The following KDM3B variants were observed in gnomAD, a reference collection of about 807,000 sequenced individuals.
The protein encoded by KDM3B is lysine-specific demethylase 3B.
Under a neutral mutation model 170.0 loss-of-function variants are expected in KDM3B, and 10 were observed. That is an observed-to-expected ratio of 0.06 (90% CI 0.04 to 0.10). KDM3B has a LOEUF of 0.10. Among genes scored for constraint, KDM3B ranks in the 10% least tolerant of loss-of-function variants. The probability of loss-of-function intolerance (pLI) is 1.00; values close to 1 mark genes in which losing one functional copy is unlikely to be tolerated. For missense variants in KDM3B, 1,394 were observed against 2,195.2 expected (o/e 0.64, Z 7.29); for synonymous variants, 831 against 834.8 (o/e 1.00, Z 0.08).
At chr5:138,383,969 A>T (rs929786836) in intron 6 of KDM3B, among the ~76,000 whole-genome samples, 2 of 150,986 alleles carry the variant, frequency 1.3e-5, no homozygotes, top group Non-Finnish European at 1.5e-5. Flanking sequence ...AGAAGAAAAA[A>T]ATCAAGGCCA....
intron 6 of KDM3B, among the ~76,000 whole-genome samples, chr5:138,382,277 G>GT (rs1197983373): frequency 6.6e-6 from 1 of 151,746 alleles, no homozygotes; most frequent in East Asian, 1.9e-4. Context: ...GTGAAACGCT[G>GT]TCTCTACAAA....
At chr5:138,396,374 C>T (rs959246042) in intron 9 of KDM3B, among the ~76,000 whole-genome samples, 9 of 152,074 alleles carry the variant, frequency 5.9e-5, no homozygotes, top group Non-Finnish European at 1.0e-4. Flanking sequence ...GGATTACAGG[C>T]GTGAGCCACT....
intron 6 of KDM3B, among the ~76,000 whole-genome samples, chr5:138,382,008 G>A (rs1346222227): frequency 6.6e-6 from 1 of 151,356 alleles, no homozygotes; most frequent in East Asian, 1.9e-4. Flanking sequence ...AACGGAGTCT[G>A]AAATTCTGTA....
chr5:138,433,021 G>C (rs1382953431), intron 23 of KDM3B, among the ~76,000 whole-genome samples: 1 of 152,088 alleles, frequency 6.6e-6, no homozygotes, highest in African/African-American at 2.4e-5. Flanking sequence ...TGGGATTACA[G>C]GCGTGAGCCA....
rs201317805 is a variant in KDM3B, at chr5:138,420,783, A to C, written c.3793A>C (p.Lys1265Gln). The change falls in exon 15 of 24, where the codon AAG becomes CAG. Residue 1265 changes from lysine (K) to glutamine (Q), a missense_variant. By Grantham distance (53) the Lys-to-Gln change is moderately conservative. This residue lies in a region of KDM3B where 137 missense variants were observed against 166.9 expected (regional missense o/e 0.82). Coordinates refer to ENST00000314358, the MANE Select transcript of KDM3B (RefSeq NM_016604.4). ...FGLDSFNSTA[K>Q]VSPLTPKLFN... is the part of the protein sequence containing the mutation. ...GCTGGACTCGTTCAACTCCACTGCAAAGGTCTCTCCGCTGACTCCAAAGCT... is the reference window on the plus strand; with the variant it reads ...GCTGGACTCGTTCAACTCCACTGCACAGGTCTCTCCGCTGACTCCAAAGCT... 6.2e-7 allele frequency: 1 copy of C among 1,614,098 alleles called. No individual in the cohort carries two copies. Among genetic ancestry groups the C allele is most frequent in the Middle Eastern group, 1.6e-4 (1 of 6,062 alleles).
chr5:138,372,916 A>G, intron 2 of KDM3B, 75 bp downstream of exon 2: 1 of 1,328,190 alleles, frequency 7.5e-7, no homozygotes, highest in Non-Finnish European at 1.0e-6. Context: ...TTAGGGACAG[A>G]GTATGTGTAA....
chr5:138,422,397 G>A (rs773274145), intron 15 of KDM3B, among the ~76,000 whole-genome samples: 22 of 152,318 alleles, frequency 1.4e-4, no homozygotes, highest in Non-Finnish European at 3.2e-4. Context: ...AGCACTTTGG[G>A]AGGCTGAGGC....
At chr5:138,377,277 A>G (rs1333698567) in intron 3 of KDM3B, among the ~76,000 whole-genome samples, 1 of 152,266 alleles carries the variant, frequency 6.6e-6, no homozygotes, top group Non-Finnish European at 1.5e-5. Context: ...TATGAGAAAC[A>G]CTGGCCTAAA....
rs1363772223 is a variant in KDM3B at position 138,420,695 on chromosome 5, T to C, written c.3716-11T>C. 1.2e-6 allele frequency: 2 copies of C among 1,613,794 alleles called. No homozygotes were observed. Among genetic ancestry groups the C allele is most frequent in the East Asian group, 2.2e-5 (1 of 44,880 alleles). On this transcript the variant is annotated splice_polypyrimidine_tract_variant and intron_variant, in intron 14 of 23. Coordinates refer to ENST00000314358, the MANE Select transcript of KDM3B (RefSeq NM_016604.4). ...TTGTACCTAATGCTGTTCCTGGTTA[T>C]GTTCTTACAGAAGCAGGGTCCCTGA...
rs1762124710 is a variant in KDM3B, at chr5:138,381,522, G to A, written c.712G>A (p.Glu238Lys). ...TTTTCCCCTCCTACTGTAGAGTGGT[G>A]AGATCAAGTCGGTAGATCCCAGACT... ...LMEVSVTESG[E>K]IKSVDPRLIH... Residue 238 changes from glutamate (E) to lysine (K), a missense_variant, in exon 6 of 24, where the codon GAG becomes AAG. This residue lies in a region of KDM3B where 166 missense variants were observed against 216.4 expected (regional missense o/e 0.77). Coordinates refer to ENST00000314358, the MANE Select transcript of KDM3B (RefSeq NM_016604.4). The A allele has an allele frequency of 1.9e-6, 3 of 1,584,182 alleles. No homozygotes were observed. The highest frequency in any genetic ancestry group is 1.7e-5 in the Admixed American group (1 of 59,968).
Position 138,429,941 on chromosome 5 carries a change from G to A in KDM3B, c.4869G>A (p.Glu1623=). ...LWHIYAAKDA[E]KIRELLRKVG... ...ACATCTATGCAGCCAAGGATGCAGA[G>A]AAGATCCGGGAGCTGCTCCGAAAGG... The change falls in exon 21 of 24, where the codon GAG becomes GAA. Residue 1623 remains glutamate, a synonymous_variant. Coordinates refer to ENST00000314358, the MANE Select transcript of KDM3B (RefSeq NM_016604.4). 1.2e-6 allele frequency: 2 copies of A among 1,614,212 alleles called. No homozygotes were observed. The highest frequency in any genetic ancestry group is 1.7e-6 in the Non-Finnish European group (2 of 1,180,044).
rs1194832246 is a variant in KDM3B at position 138,412,336 on chromosome 5, C to CA, written c.3200-2786dup. 7.2e-4 allele frequency among the ~76,000 whole-genome samples: 101 copies of CA among 139,550 alleles called. 1 individual carries two copies. In the East Asian group the frequency reaches 8.4e-3, roughly 12 times the overall value. The allele number at this position is 139,550 out of a possible 152,430, so 91.6% of individuals were successfully genotyped here. A position where few individuals can be genotyped will look rare whatever the true frequency, so the allele number is the denominator to read the frequency against. On this transcript the variant is annotated intron_variant, in intron 11 of 23. Transcript: ENST00000314358. ...GGGCAAAAGAGTGAGACCCCGTCTCCAAAAAAAAAAGACATGTTTAAGAAA... is the reference window on the plus strand; with the variant it reads ...GGGCAAAAGAGTGAGACCCCGTCTCCAAAAAAAAAAAGACATGTTTAAGAAA...
intron 11 of KDM3B, among the ~76,000 whole-genome samples, chr5:138,411,834 G>A (rs1762977448): frequency 6.7e-6 from 1 of 150,276 alleles, no homozygotes; most frequent in Admixed American, 6.6e-5. Context: ...CGAGCAGCCA[G>A]GATTACATGT....
chr5:138,361,338 C>A (rs1761604348), intron 1 of KDM3B, among the ~76,000 whole-genome samples: 1 of 10,088 alleles, frequency 9.9e-5, no homozygotes, highest in African/African-American at 1.5e-4. Flanking sequence ...GGCTGAAACT[C>A]CTTTTTTTTT....
rs757938565 is a variant in KDM3B, at chr5:138,429,809, C to T, written c.4754-17C>T. On this transcript the variant is annotated splice_polypyrimidine_tract_variant and intron_variant, in intron 20 of 23. Coordinates refer to ENST00000314358, the MANE Select transcript of KDM3B (RefSeq NM_016604.4). ...AAATGGCTGACTACATTGAAAGTGT[C>T]ATTTTGCTCTTTTCAGAGGTACTCA... The T allele has an allele frequency of 2.7e-5, 44 of 1,612,706 alleles. No homozygotes were observed. The highest frequency in any genetic ancestry group is 3.6e-5 in the Non-Finnish European group (43 of 1,179,174).
At chr5:138,360,946 G>T (rs146331413) in intron 1 of KDM3B, among the ~76,000 whole-genome samples, 1 of 152,198 alleles carries the variant, frequency 6.6e-6, no homozygotes, top group Non-Finnish European at 1.5e-5. Flanking sequence ...CACCTGCCAA[G>T]GGTTCATTCC....
At chr5:138,416,652 G>A (rs1039666733) in intron 12 of KDM3B, among the ~76,000 whole-genome samples, 1 of 150,684 alleles carries the variant, frequency 6.6e-6, no homozygotes, top group African/African-American at 2.4e-5. Flanking sequence ...AGCATCCCCT[G>A]GATCCCTTAT....
intron 10 of KDM3B, among the ~76,000 whole-genome samples, chr5:138,399,332 G>T (rs1265957683): frequency 1.3e-5 from 2 of 151,738 alleles, no homozygotes; most frequent in Non-Finnish European, 2.9e-5. Flanking sequence ...GAGGTCAGGA[G>T]TTCAAGACCA....
At chr5:138,358,600 C>G (rs900164794) in intron 1 of KDM3B, among the ~76,000 whole-genome samples, 13 of 126,418 alleles carry the variant, frequency 1.0e-4, no homozygotes, top group Admixed American at 8.6e-4. Flanking sequence ...GCCACCGCAC[C>G]CAGCCTTTTT....
Sources: gnomAD v4.1 joint callset for allele counts (sites outside exome capture counted in the v4.1 genomes callset) on GRCh38, gnomAD v4.1.1 for gene constraint, gnomAD v4.1.1 regional missense constraint, MANE v1.5 for transcripts, NCBI Gene and HGNC (gene_info 2026-07-23, HGNC 2026-07-21) for gene names.